TIMD4: variants seen among roughly 807,000 people sequenced by gnomAD.
TIMD4 encodes the protein T-cell immunoglobulin and mucin domain-containing protein 4.
In TIMD4, 31 loss-of-function variants were observed where a neutral mutation model predicts 41.2. The ratio of observed to expected loss-of-function variants is 0.75; its 90% CI spans 0.57 to 1.01. The LOEUF is 1.01. Among genes scored for constraint, TIMD4 ranks in the 50% least tolerant of loss-of-function variants. TIMD4 has a pLI of 0.00. For synonymous variants in TIMD4, 204 were observed against 177.1 expected (o/e 1.15, Z -1.21); for missense variants, 479 against 472.5 (o/e 1.01, Z -0.13).
chr5:156,922,672 A>T (rs1388071145), intron 6 of TIMD4, among the ~76,000 whole-genome samples: 1 of 152,204 alleles, frequency 6.6e-6, no homozygotes, highest in African/African-American at 2.4e-5. Flanking sequence ...TTCATGAGAC[A>T]TTTTTTGCCA....
rs147551348 is a variant in TIMD4 at position 156,943,278 on chromosome 5, G to A, written c.844+5138C>T. On this transcript the variant is annotated intron_variant, in intron 5 of 8. Transcript: ENST00000274532. ...CTATTATTTACAAGCCAGTAATTATGTACTAGGCATTTTTCTCATGCATTT... is the reference window on the plus strand; with the variant it reads ...CTATTATTTACAAGCCAGTAATTATATACTAGGCATTTTTCTCATGCATTT... Among the ~76,000 whole-genome samples, 360 of 152,254 alleles carry A rather than the reference G, an allele frequency of 2.4e-3. 4 individuals carry two copies. The highest frequency in any genetic ancestry group is 0.014 in the Middle Eastern group (4 of 294).
At chr5:156,932,295 G>C in intron 5 of TIMD4, among the ~76,000 whole-genome samples, 1 of 152,202 alleles carries the variant, frequency 6.6e-6, no homozygotes, top group East Asian at 1.9e-4. Context: ...CACGATGCTT[G>C]AGGCAAGAGC....
intron 5 of TIMD4, among the ~76,000 whole-genome samples, chr5:156,940,104 G>C (rs1441073727): frequency 2.0e-5 from 3 of 152,244 alleles, no homozygotes; most frequent in African/African-American, 7.2e-5. Context: ...TTGCAGGCGC[G>C]TGCCGCCAGG....
At chr5:156,927,723 A>C (rs1425881371) in intron 5 of TIMD4, among the ~76,000 whole-genome samples, 1 of 152,142 alleles carries the variant, frequency 6.6e-6, no homozygotes, top group Non-Finnish European at 1.5e-5. Context: ...AAGAGAGAAA[A>C]GTCTTTGATA....
At chr5:156,954,282 A>G in intron 2 of TIMD4, 133 bp downstream of exon 2, 1 of 876,982 alleles carries the variant, frequency 1.1e-6, no homozygotes, top group Non-Finnish European at 1.7e-6. Context: ...AAACCACGGC[A>G]CTTTATTTCA....
At chr5:156,956,932 A>G (rs1275591438) in intron 1 of TIMD4, among the ~76,000 whole-genome samples, 2 of 152,154 alleles carry the variant, frequency 1.3e-5, no homozygotes, top group Non-Finnish European at 2.9e-5. Context: ...GCTGGCAGTA[A>G]CATCCAGGCA....
Position 156,948,463 on chromosome 5 carries a change from A to G in TIMD4, c.797T>C (p.Val266Ala), listed in dbSNP as rs1759788089. ...AGAATCACTCGTTTTCCACATTGAC[A>G]CGTGGGATGTTGATGGGAGATCCCA... ...KVWDLPSTSHVSMWKTSDSVS... is the reference protein window; with the variant it reads ...KVWDLPSTSHASMWKTSDSVS... Residue 266 changes from valine to alanine, a missense_variant, in exon 5 of 9, where the codon GTG (valine) becomes GCG (alanine). Physicochemically the swap from Val to Ala is moderately conservative, Grantham distance 64. Coordinates refer to ENST00000274532, the MANE Select transcript of TIMD4 (RefSeq NM_138379.3). 4 of 1,558,712 alleles carry G rather than the reference A, an allele frequency of 2.6e-6. No homozygotes were observed. The Admixed American group carries it at 7.3e-5, about 29-fold the overall frequency.
intron 5 of TIMD4, among the ~76,000 whole-genome samples, chr5:156,928,959 A>G (rs1249050420): frequency 2.0e-5 from 3 of 152,204 alleles, no homozygotes; most frequent in Non-Finnish European, 2.9e-5. Flanking sequence ...GCTAATCTGT[A>G]TTTTAAATTG....
intron 1 of TIMD4, among the ~76,000 whole-genome samples, chr5:156,955,256 C>A (rs1304146640): frequency 6.6e-6 from 1 of 152,186 alleles, no homozygotes; most frequent in African/African-American, 2.4e-5. Flanking sequence ...CATTCGCTAA[C>A]CAATAAACTC....
chr5:156,926,288 T>C lies in TIMD4; in HGVS notation c.869A>G (p.Gln290Arg), dbSNP rs1466304465. ...PGASDTAVPE[Q>R]NKTTKTGQMD... The stretch of plus-strand genomic sequence containing the variant: ...CTGTCCTGTTTTTGTTGTTTTGTTC[T>C]GCTCAGGAACTGCTGTATCAGATGC... Residue 290 changes from glutamine (Q) to arginine (R), a missense_variant, in exon 6 of 9, where the codon CAG becomes CGG. Gln to Arg is a conservative substitution (Grantham distance 43). Transcript: ENST00000274532. 1.9e-6 allele frequency: 3 copies of C among 1,613,602 alleles called. No individual in the cohort carries two copies. Among genetic ancestry groups the C allele is most frequent in the South Asian group, 1.1e-5 (1 of 91,084 alleles).
chr5:156,945,576 A>G (rs1250931934), intron 5 of TIMD4, among the ~76,000 whole-genome samples: 4 of 152,200 alleles, frequency 2.6e-5, no homozygotes, highest in Non-Finnish European at 5.9e-5. Flanking sequence ...AATTATCACT[A>G]TGAATGTTTC....
At chr5:156,933,258 T>C (rs997515944) in intron 5 of TIMD4, among the ~76,000 whole-genome samples, 7 of 152,152 alleles carry the variant, frequency 4.6e-5, no homozygotes, top group African/African-American at 9.6e-5. Context: ...GACTCATGCC[T>C]GTAATTCTAG....
chr5:156,937,086 T>A (rs888789230), intron 5 of TIMD4, among the ~76,000 whole-genome samples: 1 of 152,198 alleles, frequency 6.6e-6, no homozygotes, highest in Non-Finnish European at 1.5e-5. Flanking sequence ...CACTTTCACA[T>A]ACATTATCTC....
At chr5:156,946,482 T>G (rs1255248977) in intron 5 of TIMD4, among the ~76,000 whole-genome samples, 2 of 152,134 alleles carry the variant, frequency 1.3e-5, no homozygotes, top group African/African-American at 4.8e-5. Context: ...AGCTTTTTTT[T>G]GTTTGTTTGT....
At chr5:156,954,331 C>T in intron 2 of TIMD4, 84 bp downstream of exon 2, 1 of 1,338,976 alleles carries the variant, frequency 7.5e-7, no homozygotes, top group Non-Finnish European at 1.0e-6. Context: ...CAACTCTAAC[C>T]TCTTCACCAC....
intron 8 of TIMD4, among the ~76,000 whole-genome samples, chr5:156,920,149 T>C (rs377520134): frequency 1.3e-5 from 2 of 152,238 alleles, no homozygotes; most frequent in African/African-American, 4.8e-5. Flanking sequence ...AGTTTAACAA[T>C]GGCCTCTTAA....
intron 1 of TIMD4, among the ~76,000 whole-genome samples, chr5:156,959,081 C>G (rs954397128): frequency 1.3e-5 from 2 of 152,124 alleles, no homozygotes; most frequent in African/African-American, 2.4e-5. Flanking sequence ...CCCCCAGGAT[C>G]AGAGAAAAGG....
chr5:156,942,067 G>C (rs917999941), intron 5 of TIMD4, among the ~76,000 whole-genome samples: 11 of 152,154 alleles, frequency 7.2e-5, no homozygotes, highest in African/African-American at 2.7e-4. Flanking sequence ...GTATCGCAAG[G>C]AAAGAAAAAT....
intron 5 of TIMD4, among the ~76,000 whole-genome samples, chr5:156,942,393 C>T (rs992279099): frequency 6.6e-6 from 1 of 152,202 alleles, no homozygotes; most frequent in Non-Finnish European, 1.5e-5. Flanking sequence ...CTCTCAATTC[C>T]CTGGCCTTCT....
Sources: gnomAD v4.1 joint callset for allele counts (sites outside exome capture counted in the v4.1 genomes callset) on GRCh38, gnomAD v4.1.1 for gene constraint, MANE v1.5 for transcripts, NCBI Gene and HGNC (gene_info 2026-07-23, HGNC 2026-07-21) for gene names.